The following BNC2 variants were observed in gnomAD, a reference collection of about 807,000 sequenced individuals.
BNC2 encodes basonuclin zinc finger protein 2.
Under a neutral mutation model 76.3 loss-of-function variants are expected in BNC2, and 20 were observed. The observed-to-expected ratio is 0.26, with a 90% CI of 0.18 to 0.38. BNC2 has a LOEUF of 0.38. Among genes scored for constraint, BNC2 ranks in the 10% least tolerant of loss-of-function variants. The pLI is 1.00. For missense variants in BNC2, 1,382 were observed against 1,399.8 expected (o/e 0.99, Z 0.20); for synonymous variants, 582 against 514.8 (o/e 1.13, Z -1.77).
chr9:16,820,622 G>C (rs1015216265), intron 1 of BNC2, among the ~76,000 whole-genome samples: 4 of 152,132 alleles, frequency 2.6e-5, no homozygotes, highest in East Asian at 3.9e-4. Flanking sequence ...GTTACTCTCA[G>C]AGCATGTCAT....
chr9:16,469,982 T>TA (rs1350165362), intron 5 of BNC2, among the ~76,000 whole-genome samples: 2 of 149,932 alleles, frequency 1.3e-5, no homozygotes, highest in South Asian at 4.2e-4. Context: ...TGCATGCTGC[T>TA]AATGGCATTC....
intron 1 of BNC2, among the ~76,000 whole-genome samples, chr9:16,762,380 C>T (rs896349043): frequency 6.6e-6 from 1 of 152,146 alleles, no homozygotes; most frequent in East Asian, 1.9e-4. Context: ...ATGTTTTTCT[C>T]TTTCCTAGTA....
intron 5 of BNC2, among the ~76,000 whole-genome samples, chr9:16,481,774 T>G (rs1822062683): frequency 1.0e-5 from 1 of 100,494 alleles, no homozygotes; most frequent in Admixed American, 9.8e-5. Context: ...ATAATATATT[T>G]GGAAAAGAAA....
At chr9:16,555,866 T>C (rs191162456) in intron 4 of BNC2, among the ~76,000 whole-genome samples, 2 of 152,238 alleles carry the variant, frequency 1.3e-5, no homozygotes, top group Admixed American at 1.3e-4. Flanking sequence ...AACAACTTAT[T>C]CTATAAAGGC....
At chr9:16,546,338 C>T (rs1818481867) in intron 5 of BNC2, among the ~76,000 whole-genome samples, 1 of 152,146 alleles carries the variant, frequency 6.6e-6, no homozygotes, top group African/African-American at 2.4e-5. Context: ...CCAGATTTAA[C>T]CCAATCTTGT....
At chr9:16,435,115 ATG>A (rs1820979058) in intron 6 of BNC2, 1 of 471,140 alleles carries the variant, frequency 2.1e-6, no homozygotes, top group African/African-American at 2.0e-5. Flanking sequence ...TTGGATAAAT[ATG>A]TGTGTATGAA....
intron 6 of BNC2, chr9:16,431,602 C>G (rs963786060): frequency 3.5e-6 from 1 of 285,890 alleles, no homozygotes; most frequent in Non-Finnish European, 7.6e-6. Flanking sequence ...AGGAAAGGGT[C>G]TTTAGAGACT....
At chr9:16,854,411 T>G (rs926233000) in intron 1 of BNC2, among the ~76,000 whole-genome samples, 1 of 152,188 alleles carries the variant, frequency 6.6e-6, no homozygotes, top group Non-Finnish European at 1.5e-5. Flanking sequence ...TAAATACACA[T>G]ACTCCCTCTT....
chr9:16,659,458 A>G (rs1450725182), intron 3 of BNC2, among the ~76,000 whole-genome samples: 1 of 151,996 alleles, frequency 6.6e-6, no homozygotes, highest in Non-Finnish European at 1.5e-5. Context: ...AAACACAAAA[A>G]TTAGCTGTGT....
intron 5 of BNC2, among the ~76,000 whole-genome samples, chr9:16,485,819 G>C (rs1305204669): frequency 2.0e-5 from 3 of 151,948 alleles, no homozygotes; most frequent in Admixed American, 6.6e-5. Context: ...AAAAAGAAAA[G>C]AGAAAAAGAA....
chr9:16,643,305 C>CAA (rs34196473), intron 3 of BNC2, among the ~76,000 whole-genome samples: 4 of 121,582 alleles, frequency 3.3e-5, no homozygotes, highest in Non-Finnish European at 7.1e-5. Context: ...GACTCTGTCT[C>CAA]AAAAAAAAAA....
chr9:16,433,412 T>C (rs1820943192), intron 6 of BNC2, among the ~76,000 whole-genome samples: 1 of 152,220 alleles, frequency 6.6e-6, no homozygotes, highest in Admixed American at 6.5e-5. Context: ...TGAAGCTTGC[T>C]ATCTTCTATG....
chr9:16,499,520 CTTTTTTTTTCTT>C (rs1822472711), intron 5 of BNC2, among the ~76,000 whole-genome samples: 1 of 126,192 alleles, frequency 7.9e-6, no homozygotes, highest in African/African-American at 3.2e-5. Context: ...CCCTAAATAT[CTTTTTTTTTCTT>C]TTTTTTTTTT....
intron 3 of BNC2, among the ~76,000 whole-genome samples, chr9:16,707,952 T>A (rs1823726692): frequency 6.6e-6 from 1 of 152,164 alleles, no homozygotes; most frequent in South Asian, 2.1e-4. Context: ...AAAGTAATTT[T>A]ATAATCTAAG....
intron 3 of BNC2, chr9:16,625,696 T>C (rs1241265422): frequency 6.6e-6 from 1 of 152,274 alleles, no homozygotes; most frequent in Non-Finnish European, 1.5e-5. Context: ...GATACTTTCC[T>C]TTCTGAGCAA....
chr9:16,806,660 C>G (rs1817921541), intron 1 of BNC2, among the ~76,000 whole-genome samples: 1 of 152,186 alleles, frequency 6.6e-6, no homozygotes, highest in Admixed American at 6.5e-5. Context: ...AACATCTCTG[C>G]TTAAGTAACA....
intron 1 of BNC2, among the ~76,000 whole-genome samples, chr9:16,748,889 T>TGTAAGC (rs1825092782): frequency 7.0e-6 from 1 of 143,708 alleles, no homozygotes; most frequent in African/African-American, 2.6e-5. Flanking sequence ...GTTTTCTCTG[T>TGTAAGC]GTAAGCTTCT....
intron 6 of BNC2, chr9:16,421,357 G>T: frequency 8.9e-7 from 1 of 1,120,126 alleles, no homozygotes; most frequent in Non-Finnish European, 1.2e-6. Context: ...AAGAGAAAGA[G>T]AGAGAGAGAA....
chr9:16,814,606 T>G (rs754932200), intron 1 of BNC2, among the ~76,000 whole-genome samples: 1 of 152,176 alleles, frequency 6.6e-6, no homozygotes, highest in Non-Finnish European at 1.5e-5. Context: ...TCAGTAACAT[T>G]TCACCTTATG....
Sources: gnomAD v4.1 joint callset for allele counts (sites outside exome capture counted in the v4.1 genomes callset) on GRCh38, gnomAD v4.1.1 for gene constraint, MANE v1.5 for transcripts, NCBI Gene and HGNC (gene_info 2026-07-23, HGNC 2026-07-21) for gene names.